Variants in NBPF14 observed in about 807,000 individuals in gnomAD.
The protein encoded by NBPF14 is NBPF member 14, also known as NBPF family member NBPF14.
A neutral mutation model predicts 91.2 loss-of-function variants in NBPF14; 104 were observed. That is an observed-to-expected ratio of 1.14 (90% CI 0.97 to 1.34). The LOEUF (loss-of-function observed/expected upper bound fraction) is 1.34, where lower values mean the gene tolerates loss of function less well. Among genes scored for constraint, NBPF14 ranks in the 40% most tolerant of loss-of-function variants. The pLI, the probability that NBPF14 is intolerant of heterozygous loss-of-function variation, is 0.00. For synonymous variants in NBPF14, 294 were observed against 303.8 expected (o/e 0.97, Z 0.34); for missense variants, 908 against 783.0 (o/e 1.16, Z -1.91).
chr1:148,578,090 A>G, intron 13 of NBPF14, 56 bp from the exon 14 acceptor site: 2 of 639,648 alleles, frequency 3.1e-6, no homozygotes, highest in South Asian at 1.8e-5. Context: ...GCACACAGAA[A>G]CATTCCTCTG....
intron 8 of NBPF14, among the ~76,000 whole-genome samples, chr1:148,586,966 T>G (rs1661643547): frequency 6.8e-6 from 1 of 146,000 alleles, no homozygotes; most frequent in Non-Finnish European, 1.5e-5. Context: ...GAGGTGATTC[T>G]CACTAAGGGT....
rs1456970927 is a variant in NBPF14, at chr1:148,571,232, TAGAC to T, written c.2811-199_2811-196del. 9.0e-5 allele frequency among the ~76,000 whole-genome samples: 5 copies of T among 55,654 alleles called. No individual in the cohort carries two copies. In the East Asian group the frequency reaches 5.2e-3, roughly 58 times the overall value. 36.5% of individuals were successfully genotyped at this position (55,654 alleles called of 152,430 possible). On this transcript the variant is annotated intron_variant, in intron 22 of 70. Transcript: ENST00000619423. Reference sequence around the variant, plus strand: ...GAAAAGAATGAAAGAGAAAGACAGATAGACACACACACACACACACACACACACA... The same window carrying T: ...GAAAAGAATGAAAGAGAAAGACAGATACACACACACACACACACACACACA...
intron 20 of NBPF14, among the ~76,000 whole-genome samples, chr1:148,572,974 A>C (rs1214321939): frequency 7.6e-4 from 1 of 1,314 alleles, no homozygotes; most frequent in African/African-American, 6.6e-3. Context: ...TTTCCATAAA[A>C]TATGCTCAAA....
chr1:148,534,577 T>G (rs1410998152), intron 69 of NBPF14, 107 bp downstream of exon 69: 2 of 809,884 alleles, frequency 2.5e-6, no homozygotes, highest in Admixed American at 1.8e-5. Flanking sequence ...AGGTCCTGCC[T>G]GCGGCAATGA....
At position 148,578,870 on chromosome 1, in the gene NBPF14, C is replaced by G. The variant is rs1315766100; in HGVS notation, c.1801+204G>C. On this transcript the variant is annotated intron_variant, in intron 13 of 70. Coordinates refer to ENST00000619423, the Ensembl canonical transcript of NBPF14. ...AGGTTGGCATGGGCATGGCCTGAGACTAGGAAGAGAGTAAAGCTCACTGAC... is the reference window on the plus strand; with the variant it reads ...AGGTTGGCATGGGCATGGCCTGAGAGTAGGAAGAGAGTAAAGCTCACTGAC... Among the ~76,000 whole-genome samples, 542 of 149,012 alleles carry G rather than the reference C, an allele frequency of 3.6e-3. 21 individuals carry two copies. The Middle Eastern group carries it at 0.04, about 11-fold the overall frequency.
rs1407089165 is a variant in NBPF14 at position 148,535,316 on chromosome 1, G to A, written c.8441+137C>T. 33 of 612,256 alleles carry A rather than the reference G, an allele frequency of 5.4e-5. No individual in the cohort carries two copies. In the East Asian group the frequency reaches 9.4e-4, roughly 17 times the overall value. 37.9% of individuals were successfully genotyped at this position (612,256 alleles called of 1,614,324 possible). A position where few individuals can be genotyped will look rare whatever the true frequency, so the allele number is the denominator to read the frequency against. ...TGGAAACCTAAACATCTACTGCAAT[G>A]AAAACCAACAGCAATGTCAGTAGGA... On this transcript the variant is annotated intron_variant, in intron 68 of 70. Transcript: ENST00000619423.
At chr1:148,534,207 T>A (rs1481726040) in intron 69 of NBPF14, among the ~76,000 whole-genome samples, 13 of 150,716 alleles carry the variant, frequency 8.6e-5, no homozygotes, top group Admixed American at 2.7e-4. Context: ...ATATCATTTG[T>A]CCCAAGTTTC....
Position 148,590,510 on chromosome 1 carries a change from A to AT in NBPF14, c.778+246dup, listed in dbSNP as rs1306159427. 8.3e-5 allele frequency among the ~76,000 whole-genome samples: 8 copies of AT among 95,882 alleles called. No homozygotes were observed. In the East Asian group the frequency reaches 2.1e-3, roughly 25 times the overall value. The allele number at this position is 95,882 out of a possible 152,430, so 62.9% of individuals were successfully genotyped here. Reference sequence around the variant, plus strand: ...AGGCGTGCAGCACCATGCCTGCCTAATTTTTTGTATTCTTTGTAAAGATGG... The same window carrying AT: ...AGGCGTGCAGCACCATGCCTGCCTAATTTTTTTGTATTCTTTGTAAAGATGG... On this transcript the variant is annotated intron_variant, in intron 6 of 70. Transcript: ENST00000619423.
chr1:148,593,854 C>T (rs1329717578), intron 2 of NBPF14, among the ~76,000 whole-genome samples, 154 bp from the exon 3 acceptor site: 4 of 149,128 alleles, frequency 2.7e-5, no homozygotes, highest in Non-Finnish European at 4.5e-5. Context: ...TCTTCAGTCT[C>T]CTGACTTTCT....
rs1457451968 is a variant in NBPF14, at chr1:148,592,573, G to C, written c.472C>G (p.Leu158Val). 10 of 1,405,238 alleles carry C rather than the reference G, an allele frequency of 7.1e-6. 2 individuals are homozygous for C. The highest frequency in any genetic ancestry group is 6.8e-5 in the East Asian group (3 of 44,104). 87.0% of individuals were successfully genotyped at this position (1,405,238 alleles called of 1,614,324 possible). A position where few individuals can be genotyped will look rare whatever the true frequency, so the allele number is the denominator to read the frequency against. The stretch of plus-strand genomic sequence containing the variant: ...TTACCTGGGCTGAGCTTTTGGACAA[G>C]GTGCTGTGCCAGTCTACACCCCTCA... The change falls in exon 4 of 71, where the codon CTT (leucine) becomes GTT (valine). Residue 158 changes from leucine (L) to valine (V), a missense_variant. Leu to Val is a conservative substitution (Grantham distance 32). Coordinates refer to ENST00000619423, the Ensembl canonical transcript of NBPF14.
intron 63 of NBPF14, 82 bp from the exon 64 acceptor site, chr1:148,538,782 G>C: frequency 5.5e-5 from 2 of 36,584 alleles, no homozygotes; most frequent in Non-Finnish European, 9.1e-5. Context: ...TCCCCACACA[G>C]GGATCTCAGG....
chr1:148,531,831 A>AT (rs1469475404), exon 71 of NBPF14: 3 of 78,952 alleles, frequency 3.8e-5, no homozygotes, highest in African/African-American at 1.8e-4. Context: ...TCCTGATATC[A>AT]TAATGGTGAT....
chr1:148,534,982 A>G (rs1407732881), intron 68 of NBPF14, 126 bp from the exon 69 acceptor site: 2 of 729,220 alleles, frequency 2.7e-6, no homozygotes, highest in Non-Finnish European at 5.0e-6. Context: ...TTAATGAGGT[A>G]ACGAATTATT....
At chr1:148,561,776 GACACACACAC>G (rs1179446616) in intron 34 of NBPF14, among the ~76,000 whole-genome samples, 197 bp from the exon 35 acceptor site, 4 of 114,344 alleles carry the variant, frequency 3.5e-5, no homozygotes, top group Admixed American at 1.6e-4. Flanking sequence ...AAGACAGATA[GACACACACAC>G]ACACACACAC....
chr1:148,550,029 T>C (rs1387770092), intron 49 of NBPF14, among the ~76,000 whole-genome samples: 3 of 94,522 alleles, frequency 3.2e-5, no homozygotes, highest in Non-Finnish European at 5.6e-5. Flanking sequence ...GCGAGGATTT[T>C]ACACGCTGAA....
At chr1:148,586,743 A>C (rs1399231912) in intron 8 of NBPF14, among the ~76,000 whole-genome samples, 2 of 144,654 alleles carry the variant, frequency 1.4e-5, no homozygotes, top group Non-Finnish European at 3.1e-5. Flanking sequence ...ATTCCATTTC[A>C]AAAAGACATC....
intron 4 of NBPF14, 130 bp from the exon 5 acceptor site, chr1:148,591,634 C>G (rs1450039853): frequency 9.5e-7 from 1 of 1,049,538 alleles, no homozygotes; most frequent in Non-Finnish European, 1.4e-6. Flanking sequence ...CATGTTTTAT[C>G]TTTCACAAAA....
chr1:148,575,804 T>C, exon 17 of NBPF14: 1 of 307,108 alleles, frequency 3.3e-6, no homozygotes, highest in Non-Finnish European at 5.6e-6. Context: ...AGCAGCTCCC[T>C]GCTGAGCCTG....
chr1:148,559,941 C>A (rs1352160649), exon 37 of NBPF14: 8 of 1,388,022 alleles, frequency 5.8e-6, no homozygotes, highest in Non-Finnish European at 6.9e-6. Context: ...CAGGCCCTTT[C>A]TCATGCAGCA....
Sources: allele counts gnomAD v4.1 joint callset (sites outside exome capture counted in the v4.1 genomes callset), GRCh38; gene constraint gnomAD v4.1.1; transcripts MANE v1.5; gene names NCBI Gene and HGNC (gene_info 2026-07-23, HGNC 2026-07-21).